MINDY3: variants seen among roughly 807,000 people sequenced by gnomAD.
MINDY3 encodes MINDY lysine 48 deubiquitinase 3, also known as ubiquitin carboxyl-terminal hydrolase MINDY-3.
MINDY3 carries 38 observed loss-of-function variants against 69.2 expected under a neutral mutation model. The ratio of observed to expected loss-of-function variants is 0.55; its 90% CI spans 0.42 to 0.72. The LOEUF (loss-of-function observed/expected upper bound fraction) is 0.72, where lower values mean the gene tolerates loss of function less well. Ranked by LOEUF, MINDY3 falls within the 30% of genes least tolerant of loss-of-function variation. The probability of loss-of-function intolerance (pLI) is 0.00; values close to 1 mark genes in which losing one functional copy is unlikely to be tolerated. For missense variants in MINDY3, 522 were observed against 519.0 expected (o/e 1.01, Z -0.06); for synonymous variants, 192 against 180.1 (o/e 1.07, Z -0.53).
intron 9 of MINDY3, chr10:15,817,406 G>T (rs1267354063): frequency 6.5e-6 from 1 of 152,974 alleles, no homozygotes; most frequent in African/African-American, 2.4e-5. Flanking sequence ...ATTTAAGTAT[G>T]TAAGTGTCCT....
At chr10:15,841,664 T>A (rs1345988310) in intron 3 of MINDY3, 65 bp from the exon 4 acceptor site, 4 of 1,027,818 alleles carry the variant, frequency 3.9e-6, no homozygotes, top group African/African-American at 1.6e-5. Flanking sequence ...CTGTCATGAA[T>A]AACAATAGTA....
chr10:15,804,009 C>T (rs1838451722), intron 10 of MINDY3, among the ~76,000 whole-genome samples: 1 of 152,098 alleles, frequency 6.6e-6, no homozygotes, highest in Non-Finnish European at 1.5e-5. Flanking sequence ...ACACATGAGA[C>T]TCAACGATTA....
intron 8 of MINDY3, among the ~76,000 whole-genome samples, chr10:15,830,598 T>G (rs1192330865): frequency 6.6e-6 from 1 of 152,202 alleles, no homozygotes; most frequent in Non-Finnish European, 1.5e-5. Flanking sequence ...ACAGTACACC[T>G]GAGAGGCAGA....
In MINDY3 at chr10:15,825,977, C is replaced by T. The variant is rs57324199; in HGVS notation, c.731-4251G>A. ...TAAAAATAATCATCAAATAAGCATA[C>T]AAAAATAAATAAACAATATGGACAA... On this transcript the variant is annotated intron_variant, in intron 8 of 14. Transcript: ENST00000277632. Among the ~76,000 whole-genome samples, 1,016 of 151,958 alleles carry T rather than the reference C, an allele frequency of 6.7e-3. 13 individuals carry two copies. The highest frequency in any genetic ancestry group is 0.023 in the African/African-American group (950 of 41,478).
At chr10:15,838,677 T>G (rs1304410223) in intron 4 of MINDY3, among the ~76,000 whole-genome samples, 1 of 151,722 alleles carries the variant, frequency 6.6e-6, no homozygotes, top group Non-Finnish European at 1.5e-5. Flanking sequence ...TATAAAATCT[T>G]TAGGTTTAAG....
chr10:15,781,581 T>C lies in MINDY3; in HGVS notation c.1188+574A>G, dbSNP rs928570110. Among the ~76,000 whole-genome samples, 3 of 152,164 alleles carry C rather than the reference T, an allele frequency of 2.0e-5. No individual in the cohort carries two copies. The South Asian group carries it at 6.2e-4, about 32-fold the overall frequency. Reference sequence around the variant, plus strand: ...TTGTCAACGGTTAGCAAAGGAAAGCTGCAAAGCATCATGGGTAGGAGCATG... The same window carrying C: ...TTGTCAACGGTTAGCAAAGGAAAGCCGCAAAGCATCATGGGTAGGAGCATG... On this transcript the variant is annotated intron_variant, in intron 14 of 14. Transcript: ENST00000277632.
chr10:15,858,031 T>C (rs1049421824), intron 1 of MINDY3: 1 of 664,344 alleles, frequency 1.5e-6, no homozygotes, highest in African/African-American at 2.0e-5. Context: ...CTTGTGCCTG[T>C]TCCCACAATC....
intron 1 of MINDY3, among the ~76,000 whole-genome samples, chr10:15,859,866 C>T (rs912863348): frequency 3.3e-5 from 5 of 152,238 alleles, no homozygotes; most frequent in African/African-American, 1.2e-4. Flanking sequence ...AAGGCCACAG[C>T]ACCCCTTGAG....
chr10:15,851,693 G>A (rs537070252), intron 1 of MINDY3, among the ~76,000 whole-genome samples: 22 of 151,904 alleles, frequency 1.4e-4, no homozygotes, highest in African/African-American at 3.6e-4. Context: ...TTCCAACCAC[G>A]TCTCCCTATT....
chr10:15,782,217 C>G lies in MINDY3; in HGVS notation c.1126G>C (p.Gly376Arg), dbSNP rs1732337919. The change falls in exon 14 of 15, where the codon GGT becomes CGT. Residue 376 changes from glycine to arginine, a missense_variant. Transcript: ENST00000277632. ...TGGTAGACAGTAAAAGATTCTGGAC[C>G]ACTGGAGCCCTATTATAAATAAAGG... ...QEFFPDQGSS[G>R]PESFTVYHYN... 1.2e-6 allele frequency: 2 copies of G among 1,601,864 alleles called. No individual in the cohort carries two copies. Among genetic ancestry groups the G allele is most frequent in the South Asian group, 2.2e-5 (2 of 90,132 alleles).
chr10:15,791,883 C>T (rs1379630995), intron 11 of MINDY3, among the ~76,000 whole-genome samples: 1 of 152,036 alleles, frequency 6.6e-6, no homozygotes, highest in Non-Finnish European at 1.5e-5. Context: ...AAGAAATAAA[C>T]AGGAGAGCCT....
At chr10:15,856,056 T>C (rs779682308) in intron 1 of MINDY3, among the ~76,000 whole-genome samples, 1 of 151,948 alleles carries the variant, frequency 6.6e-6, no homozygotes, top group Non-Finnish European at 1.5e-5. Flanking sequence ...GAAAAATATA[T>C]ATAAGAGAAT....
intron 10 of MINDY3, among the ~76,000 whole-genome samples, chr10:15,815,232 C>G (rs980095923): frequency 6.6e-6 from 1 of 152,174 alleles, no homozygotes; most frequent in Non-Finnish European, 1.5e-5. Flanking sequence ...CCTCTCTCTA[C>G]TTCAGGAAGG....
At chr10:15,814,672 C>T (rs1034833198) in intron 10 of MINDY3, among the ~76,000 whole-genome samples, 2 of 152,080 alleles carry the variant, frequency 1.3e-5, no homozygotes, top group East Asian at 3.8e-4. Flanking sequence ...ACAGCCCCTG[C>T]CCTAGACAAA....
chr10:15,851,334 G>C (rs529729263), intron 1 of MINDY3, among the ~76,000 whole-genome samples: 1 of 152,038 alleles, frequency 6.6e-6, no homozygotes, highest in Non-Finnish European at 1.5e-5. Context: ...TCCAGACATA[G>C]ACAGAGTCTA....
intron 2 of MINDY3, among the ~76,000 whole-genome samples, chr10:15,844,359 A>T (rs1271150826): frequency 6.6e-6 from 1 of 152,198 alleles, no homozygotes; most frequent in Admixed American, 6.5e-5. Flanking sequence ...GGGGATATTC[A>T]TTATTTCACA....
chr10:15,840,548 C>T lies in MINDY3; in HGVS notation c.409+878G>A, dbSNP rs537083073. 2.4e-4 allele frequency among the ~76,000 whole-genome samples: 37 copies of T among 151,706 alleles called. 1 individual carries two copies. The South Asian group carries it at 5.0e-3, about 20-fold the overall frequency. ...ACTATATGGAAAGCAAAATGTGTAT[C>T]CCATACAATTGAAGTGTACTTTCAG... is the stretch of plus-strand genomic sequence containing the variant. On this transcript the variant is annotated intron_variant, in intron 4 of 14. Transcript: ENST00000277632.
chr10:15,831,506 A>G (rs929707946), intron 8 of MINDY3, among the ~76,000 whole-genome samples: 5 of 152,188 alleles, frequency 3.3e-5, no homozygotes, highest in Admixed American at 6.5e-5. Context: ...CTTTTAAACT[A>G]TACAGAAAAA....
intron 8 of MINDY3, 90 bp from the exon 9 acceptor site, chr10:15,821,816 T>A (rs1839788905): frequency 3.1e-6 from 3 of 982,810 alleles, no homozygotes; most frequent in Non-Finnish European, 4.5e-6. Context: ...GTATATATAT[T>A]TATACTACAC....
Sources: allele counts gnomAD v4.1 joint callset (sites outside exome capture counted in the v4.1 genomes callset), GRCh38; gene constraint gnomAD v4.1.1; transcripts MANE v1.5; gene names NCBI Gene and HGNC (gene_info 2026-07-23, HGNC 2026-07-21).